The following PTPRN2 variants were observed in gnomAD, a reference collection of about 807,000 sequenced individuals.
PTPRN2 encodes the protein protein tyrosine phosphatase receptor type N2, also known as receptor-type tyrosine-protein phosphatase N2.
Under a neutral mutation model 118.8 loss-of-function variants are expected in PTPRN2, and 74 were observed. The observed-to-expected ratio is 0.62, with a 90% CI of 0.52 to 0.76. PTPRN2 has a LOEUF of 0.76. Among genes scored for constraint, PTPRN2 ranks in the 30% least tolerant of loss-of-function variants. The pLI is 0.00. For synonymous variants in PTPRN2, 641 were observed against 608.0 expected (o/e 1.05, Z -0.80); for missense variants, 1,481 against 1,394.4 (o/e 1.06, Z -0.99).
chr7:158,290,226 G>A (rs981504706), intron 3 of PTPRN2, among the ~76,000 whole-genome samples: 2 of 152,126 alleles, frequency 1.3e-5, no homozygotes, highest in Non-Finnish European at 2.9e-5. Context: ...GAGTGGGCCT[G>A]GACTCTGAGT....
chr7:158,522,505 C>T (rs1032379233), intron 1 of PTPRN2, among the ~76,000 whole-genome samples: 1 of 151,300 alleles, frequency 6.6e-6, no homozygotes, highest in East Asian at 1.9e-4. Flanking sequence ...GGAAGGTCCA[C>T]GTCAGAATGG....
chr7:157,813,403 G>A lies in PTPRN2; in HGVS notation c.1788+85270C>T, dbSNP rs981515468. 9.9e-5 allele frequency among the ~76,000 whole-genome samples: 15 copies of A among 152,216 alleles called. No individual in the cohort carries two copies. The highest frequency in any genetic ancestry group is 2.1e-4 in the South Asian group (1 of 4,820). The stretch of plus-strand genomic sequence containing the variant: ...AGGGTGGGAGACCAGAGTCAGAGGC[G>A]GACAGGGGTTCGATACGCCATTCAG... On this transcript the variant is annotated intron_variant, in intron 12 of 22. Coordinates refer to ENST00000389418, the MANE Select transcript of PTPRN2 (RefSeq NM_002847.5). The surrounding 1 kb of genome is among the most constrained non-coding windows in gnomAD (Gnocchi z 4.7).
Position 157,550,234 on chromosome 7 carries a change from C to A in PTPRN2, c.2903-1215G>T, listed in dbSNP as rs538518985. On this transcript the variant is annotated intron_variant, in intron 21 of 22. Coordinates refer to ENST00000389418, the MANE Select transcript of PTPRN2 (RefSeq NM_002847.5). The surrounding 1 kb of genome is among the most constrained non-coding windows in gnomAD (Gnocchi z 5.2). ...GCTTCATGGGGTGGCAACTGTGAAG[C>A]CAGTGGGGGCTCAGGCTCCAGGAGG... Among the ~76,000 whole-genome samples the A allele has an allele frequency of 4.1e-4, 63 of 152,310 alleles. No individual in the cohort carries two copies. The highest frequency in any genetic ancestry group is 9.8e-4 in the Admixed American group (15 of 15,300).
chr7:158,322,821 G>A (rs577718082), intron 2 of PTPRN2, among the ~76,000 whole-genome samples: 1 of 152,360 alleles, frequency 6.6e-6, no homozygotes, highest in South Asian at 2.1e-4. Context: ...CTCTTGAATG[G>A]GTCTGCGTTT....
chr7:158,377,395 G>A (rs1810624629), intron 2 of PTPRN2, among the ~76,000 whole-genome samples: 1 of 152,226 alleles, frequency 6.6e-6, no homozygotes, highest in South Asian at 2.1e-4. Context: ...AATGTAAAAT[G>A]TATCGGTCTT....
intron 2 of PTPRN2, among the ~76,000 whole-genome samples, chr7:158,367,383 C>T (rs1273727931): frequency 6.6e-6 from 1 of 152,212 alleles, no homozygotes; most frequent in East Asian, 1.9e-4. Flanking sequence ...TGCTGACTTC[C>T]CTCACCTGAG....
chr7:157,593,216 A>G (rs1290767900), intron 17 of PTPRN2, among the ~76,000 whole-genome samples: 75 of 106,210 alleles, frequency 7.1e-4, no homozygotes, highest in East Asian at 2.6e-3. Flanking sequence ...TGTGGCACCT[A>G]CTGAACCGAG....
At chr7:157,644,802 C>G (rs934798797) in intron 14 of PTPRN2, among the ~76,000 whole-genome samples, 3 of 72,370 alleles carry the variant, frequency 4.1e-5, no homozygotes, top group Non-Finnish European at 1.1e-4. Context: ...TCTCAAAAAA[C>G]AAAAAAAAAA....
intron 2 of PTPRN2, among the ~76,000 whole-genome samples, chr7:158,352,536 G>C (rs575879131): frequency 6.6e-6 from 1 of 152,198 alleles, no homozygotes; most frequent in Non-Finnish European, 1.5e-5. Context: ...TGCTGCAGCC[G>C]ATTCGTGGCT....
At chr7:157,675,443 A>T (rs1796622485) in intron 13 of PTPRN2, among the ~76,000 whole-genome samples, 1 of 152,136 alleles carries the variant, frequency 6.6e-6, no homozygotes, top group African/African-American at 2.4e-5. Flanking sequence ...CCTTCTCCGA[A>T]CACCTTCCAT....
chr7:158,070,993 A>T (rs1401456289), intron 11 of PTPRN2, among the ~76,000 whole-genome samples: 4 of 86,800 alleles, frequency 4.6e-5, no homozygotes, highest in Admixed American at 3.6e-4. Context: ...GTGGTGGTGG[A>T]GGTGCTCATG....
Position 158,574,808 on chromosome 7 carries a change from C to T in PTPRN2, c.112+12750G>A, listed in dbSNP as rs1481866752. 6.6e-6 allele frequency among the ~76,000 whole-genome samples: 1 copy of T among 152,230 alleles called. No individual in the cohort carries two copies. The highest frequency in any genetic ancestry group is 1.9e-4 in the East Asian group (1 of 5,206). On this transcript the variant is annotated intron_variant, in intron 1 of 22. Coordinates refer to ENST00000389418, the MANE Select transcript of PTPRN2 (RefSeq NM_002847.5). This position sits in a 1 kb window ranked among gnomAD's most constrained non-coding sequence, Gnocchi z 4.6. Reference sequence around the variant, plus strand: ...CAGGCTGCTGGACAGGCCTTGCTGGCACACTGGGTGGGTGGCTCCGTGGAG... The same window carrying T: ...CAGGCTGCTGGACAGGCCTTGCTGGTACACTGGGTGGGTGGCTCCGTGGAG...
chr7:158,534,862 C>T (rs937885567), intron 1 of PTPRN2, among the ~76,000 whole-genome samples: 3 of 151,924 alleles, frequency 2.0e-5, no homozygotes, highest in African/African-American at 7.3e-5. Flanking sequence ...GCAGCCTGCA[C>T]AGCCAGGGAG....
intron 21 of PTPRN2, among the ~76,000 whole-genome samples, chr7:157,552,635 G>A (rs1670206946): frequency 1.3e-5 from 2 of 152,244 alleles, no homozygotes; most frequent in African/African-American, 4.8e-5. Flanking sequence ...ATTACAACCA[G>A]TCTTGTGTAA....
At chr7:158,009,383 C>G (rs1420038166) in intron 11 of PTPRN2, among the ~76,000 whole-genome samples, 1 of 152,030 alleles carries the variant, frequency 6.6e-6, no homozygotes, top group Admixed American at 6.6e-5. Flanking sequence ...TACATAGCAA[C>G]TTGTTCTTAT....
chr7:158,258,611 C>A (rs1265016861), intron 3 of PTPRN2, among the ~76,000 whole-genome samples: 2 of 152,182 alleles, frequency 1.3e-5, no homozygotes, highest in Non-Finnish European at 2.9e-5. Context: ...CCCCTGCCCC[C>A]CAGTCACAGC....
chr7:158,173,623 C>T (rs191683594), intron 5 of PTPRN2, among the ~76,000 whole-genome samples: 128 of 152,290 alleles, frequency 8.4e-4, no homozygotes, highest in African/African-American at 2.9e-3. Context: ...CTAGAATTCA[C>T]CAGGCTGGAA....
rs186675518 is a variant in PTPRN2, at chr7:158,371,268, A to G, written c.164-54336T>C. Among the ~76,000 whole-genome samples, 22 of 152,268 alleles carry G rather than the reference A, an allele frequency of 1.4e-4. No homozygotes were observed. In the East Asian group the frequency reaches 4.2e-3, roughly 29 times the overall value. On this transcript the variant is annotated intron_variant, in intron 2 of 22. Transcript: ENST00000389418. ...GGAAAAATTTAGGTGAAAAAAAGGAAGGAAAAAATTAGGTGAATAGTTATC... is the reference window on the plus strand; with the variant it reads ...GGAAAAATTTAGGTGAAAAAAAGGAGGGAAAAAATTAGGTGAATAGTTATC...
At chr7:157,725,405 A>G (rs13308992) in intron 12 of PTPRN2, among the ~76,000 whole-genome samples, 425 of 20,350 alleles carry the variant, frequency 0.021, 6 homozygotes, top group African/African-American at 0.051. Context: ...ATATCTACAC[A>G]CAGAGGAGTG....
Sources: gnomAD v4.1 joint callset for allele counts (sites outside exome capture counted in the v4.1 genomes callset) on GRCh38, gnomAD v4.1.1 for gene constraint, Gnocchi (gnomAD v3.1) non-coding constraint, MANE v1.5 for transcripts, NCBI Gene and HGNC (gene_info 2026-07-23, HGNC 2026-07-21) for gene names.